The following TET3 variants were observed in gnomAD, a reference collection of about 807,000 sequenced individuals.
The protein encoded by TET3 is tet methylcytosine dioxygenase 3.
A neutral mutation model predicts 141.4 loss-of-function variants in TET3; 19 were observed. That is an observed-to-expected ratio of 0.13 (90% CI 0.09 to 0.20). The LOEUF (loss-of-function observed/expected upper bound fraction) is 0.20, where lower values mean the gene tolerates loss of function less well. Among genes scored for constraint, TET3 ranks in the 10% least tolerant of loss-of-function variants. The pLI is 1.00. For missense variants in TET3, 1,874 were observed against 2,356.9 expected, an observed-to-expected ratio of 0.80 and a Z score of 4.24; for synonymous variants, 1,043 against 980.9, an observed-to-expected ratio of 1.06 and a Z score of -1.18.
intron 4 of TET3, among the ~76,000 whole-genome samples, chr2:74,069,933 C>G (rs1689113809): frequency 6.6e-6 from 1 of 152,110 alleles, no homozygotes; most frequent in South Asian, 2.1e-4. Flanking sequence ...TCTCCCATCC[C>G]CTAGAAGTAA....
chr2:73,989,229 C>G (rs1041010712), intron 2 of TET3, among the ~76,000 whole-genome samples: 10 of 152,028 alleles, frequency 6.6e-5, no homozygotes. Context: ...GGGAACATGT[C>G]CCGGGATTGG....
Position 74,092,862 on chromosome 2 carries a change from C to T in TET3, c.3040-40C>T, listed in dbSNP as rs369390049. 3.2e-5 allele frequency: 49 copies of T among 1,521,310 alleles called. No homozygotes were observed. In the South Asian group the frequency reaches 4.2e-4, roughly 13 times the overall value. The allele number at this position is 1,521,310 out of a possible 1,614,324, so 94.2% of individuals were successfully genotyped here. On this transcript the variant is annotated intron_variant, in intron 8 of 11. Coordinates refer to ENST00000409262, the MANE Select transcript of TET3 (RefSeq NM_001287491.2). ...CTTCCAGGGTGCAGGGTCTGCCAGG[C>T]GGGGCTGCTCTGGATGTGTGACTGC...
intron 3 of TET3, among the ~76,000 whole-genome samples, chr2:74,015,685 T>C (rs1029484406): frequency 6.6e-5 from 10 of 152,222 alleles, no homozygotes; most frequent in African/African-American, 2.4e-4. Context: ...AGGTTATCAA[T>C]ATATTTGTAT....
In TET3 at chr2:74,007,870, A is replaced by T. The variant is rs536652166; in HGVS notation, c.360+4704A>T. Among the ~76,000 whole-genome samples, 7 of 152,266 alleles carry T rather than the reference A, an allele frequency of 4.6e-5. No individual in the cohort carries two copies. In the East Asian group the frequency reaches 1.4e-3, roughly 29 times the overall value. On this transcript the variant is annotated intron_variant, in intron 3 of 11. Coordinates refer to ENST00000409262, the MANE Select transcript of TET3 (RefSeq NM_001287491.2). ...GCAAAACTAAAACGTGGTCCCACTTACTTTGTACAGCGAGTTTGCAGCTGC... is the reference window on the plus strand; with the variant it reads ...GCAAAACTAAAACGTGGTCCCACTTTCTTTGTACAGCGAGTTTGCAGCTGC...
chr2:74,057,003 G>T (rs1270706101), intron 4 of TET3, among the ~76,000 whole-genome samples: 2 of 152,168 alleles, frequency 1.3e-5, no homozygotes, highest in African/African-American at 4.8e-5. Flanking sequence ...TGCAGGCAGA[G>T]CATGTTCCCC....
At chr2:74,019,712 C>T (rs1685928648) in intron 3 of TET3, among the ~76,000 whole-genome samples, 1 of 152,208 alleles carries the variant, frequency 6.6e-6, no homozygotes. Context: ...CTCAAGCAGC[C>T]CTGGCTCCAG....
intron 11 of TET3, 72 bp downstream of exon 11, chr2:74,099,684 C>T: frequency 2.9e-6 from 4 of 1,391,994 alleles, no homozygotes; most frequent in Non-Finnish European, 3.9e-6. Flanking sequence ...CTCTTCCACG[C>T]ACCCTCCTGC....
intron 10 of TET3, among the ~76,000 whole-genome samples, chr2:74,096,537 T>TG (rs111340656): frequency 4.3e-4 from 65 of 151,804 alleles, no homozygotes; most frequent in African/African-American, 1.5e-3. Context: ...GAGGCTGAGA[T>TG]GGGTGGATCA....
At chr2:74,084,128 C>T (rs1043855608) in intron 6 of TET3, among the ~76,000 whole-genome samples, 2 of 152,188 alleles carry the variant, frequency 1.3e-5, no homozygotes, top group East Asian at 1.9e-4. Context: ...GGGGAAGCAC[C>T]GTTCTTGCCG....
intron 3 of TET3, among the ~76,000 whole-genome samples, chr2:74,018,948 TTCA>T (rs1378650921): frequency 1.3e-5 from 2 of 152,170 alleles, no homozygotes; most frequent in Non-Finnish European, 2.9e-5. Flanking sequence ...TTTTTGTGTG[TTCA>T]TCAAAGTTTT....
intron 3 of TET3, among the ~76,000 whole-genome samples, chr2:74,006,182 T>A (rs1183602071): frequency 6.6e-6 from 1 of 152,196 alleles, no homozygotes; most frequent in Non-Finnish European, 1.5e-5. Flanking sequence ...TCTTCCTACT[T>A]CCAGCCACTT....
intron 4 of TET3, among the ~76,000 whole-genome samples, chr2:74,059,420 CTT>C (rs1027446611): frequency 6.6e-6 from 1 of 151,738 alleles, no homozygotes; most frequent in Non-Finnish European, 1.5e-5. Flanking sequence ...ACCTGGCTAA[CTT>C]TTGTATTTTT....
At chr2:74,035,469 G>GA (rs57320103) in intron 3 of TET3, among the ~76,000 whole-genome samples, 3,403 of 77,884 alleles carry the variant, frequency 0.044, 177 homozygotes, top group African/African-American at 0.15. Flanking sequence ...ATCTCAAAAA[G>GA]AAAAAAAAAA....
chr2:74,061,441 G>A (rs1266545913), intron 4 of TET3, among the ~76,000 whole-genome samples: 4 of 145,290 alleles, frequency 2.8e-5, no homozygotes, highest in African/African-American at 5.1e-5. Flanking sequence ...CCTCCCTCCC[G>A]GACGGGGCGG....
At chr2:74,081,724 A>G (rs1422350926) in intron 6 of TET3, among the ~76,000 whole-genome samples, 1 of 151,772 alleles carries the variant, frequency 6.6e-6, no homozygotes, top group Non-Finnish European at 1.5e-5. Context: ...ATGCTACAAC[A>G]TGTGTAGGAC....
intron 2 of TET3, among the ~76,000 whole-genome samples, chr2:73,996,432 C>A (rs544283643): frequency 6.6e-6 from 1 of 152,280 alleles, no homozygotes; most frequent in East Asian, 1.9e-4. Context: ...CAGACAGTTG[C>A]CACACCCAGG....
chr2:74,124,178 G>A, the TET3 span, among the ~76,000 whole-genome samples: 34 of 149,852 alleles, frequency 2.3e-4, no homozygotes, highest in African/African-American at 8.2e-4. Flanking sequence ...GTGGGGGGCA[G>A]CCCCCGCCCG....
the TET3 span, among the ~76,000 whole-genome samples, chr2:74,120,194 C>T: frequency 6.6e-6 from 1 of 152,200 alleles, no homozygotes; most frequent in African/African-American, 2.4e-5. Context: ...CCATTCTAGG[C>T]GCCCGGCTCC....
At chr2:74,056,522 A>G (rs1184049425) in intron 4 of TET3, among the ~76,000 whole-genome samples, 2 of 151,806 alleles carry the variant, frequency 1.3e-5, no homozygotes, top group African/African-American at 2.4e-5. Flanking sequence ...GCTTTCTACC[A>G]TGTATTTTAG....
Sources: gnomAD v4.1 joint callset for allele counts (sites outside exome capture counted in the v4.1 genomes callset) on GRCh38, gnomAD v4.1.1 for gene constraint, MANE v1.5 for transcripts, NCBI Gene and HGNC (gene_info 2026-07-23, HGNC 2026-07-21) for gene names.